Variants in ARHGAP24 observed in about 807,000 individuals in gnomAD.
ARHGAP24 encodes the protein Rho GTPase activating protein 24.
ARHGAP24 carries 50 observed loss-of-function variants against 76.4 expected under a neutral mutation model. The observed-to-expected ratio is 0.65, with a 90% CI of 0.52 to 0.83. The LOEUF (loss-of-function observed/expected upper bound fraction) is 0.83, where lower values mean the gene tolerates loss of function less well. ARHGAP24 is among the 40% of genes least tolerant of loss of function. ARHGAP24 has a pLI of 0.00. For synonymous variants in ARHGAP24, 345 were observed against 323.3 expected (o/e 1.07, Z -0.72); for missense variants, 930 against 914.2 (o/e 1.02, Z -0.22).
At chr4:85,485,146 C>T (rs1722971509) in intron 1 of ARHGAP24, among the ~76,000 whole-genome samples, 1 of 150,350 alleles carries the variant, frequency 6.7e-6, no homozygotes, top group Admixed American at 6.6e-5. Flanking sequence ...GGGATCGAGA[C>T]CATCCTGGCT....
At position 85,536,544 on chromosome 4, in the gene ARHGAP24, A is replaced by T. The variant is rs1250171028; in HGVS notation, c.-20-33978A>T. Among the ~76,000 whole-genome samples, 3 of 152,144 alleles carry T rather than the reference A, an allele frequency of 2.0e-5. 1 individual carries two copies. Among genetic ancestry groups the T allele is most frequent in the South Asian group, 4.1e-4 (2 of 4,834 alleles). On this transcript the variant is annotated intron_variant, in intron 1 of 9. Transcript: ENST00000395184. ...CACTCATTCAAACTCTAATTAATAC[A>T]TCTACCTAATTTTAATAAATGGCTG...
At chr4:85,683,058 A>C (rs930224173) in intron 2 of ARHGAP24, among the ~76,000 whole-genome samples, 15 of 123,078 alleles carry the variant, frequency 1.2e-4, no homozygotes, top group African/African-American at 4.1e-4. Flanking sequence ...GCATGAACTG[A>C]GTTAAACCTT....
chr4:85,747,119 C>G (rs1016020199), intron 3 of ARHGAP24, among the ~76,000 whole-genome samples: 1 of 152,176 alleles, frequency 6.6e-6, no homozygotes, highest in Non-Finnish European at 1.5e-5. Flanking sequence ...AACATTTTCT[C>G]CTACTTTTCA....
intron 1 of ARHGAP24, among the ~76,000 whole-genome samples, chr4:85,513,559 T>TTAA (rs776789611): frequency 5.9e-5 from 9 of 151,510 alleles, no homozygotes; most frequent in Non-Finnish European, 1.0e-4. Context: ...GCCTTTTTTT[T>TTAA]AAAAAAAAAA....
chr4:85,715,425 CT>C (rs1724695304), intron 2 of ARHGAP24, among the ~76,000 whole-genome samples: 1 of 151,966 alleles, frequency 6.6e-6, no homozygotes, highest in South Asian at 2.1e-4. Context: ...ATAATAAATA[CT>C]GTGTACCAGG....
intron 1 of ARHGAP24, among the ~76,000 whole-genome samples, chr4:85,550,358 G>A (rs1726083157): frequency 1.3e-5 from 2 of 152,104 alleles, no homozygotes; most frequent in South Asian, 4.1e-4. Context: ...ATGGTTGTAG[G>A]TGTCTGGCGT....
At chr4:85,515,308 A>G (rs1724452408) in intron 1 of ARHGAP24, among the ~76,000 whole-genome samples, 1 of 151,830 alleles carries the variant, frequency 6.6e-6, no homozygotes. Context: ...AAAAGGGTAT[A>G]TGCAAAGAAG....
chr4:85,839,770 A>T (rs572886707), intron 3 of ARHGAP24, among the ~76,000 whole-genome samples: 1 of 151,818 alleles, frequency 6.6e-6, no homozygotes, highest in East Asian at 1.9e-4. Flanking sequence ...CACTCTGTTG[A>T]CTAAGCAAAT....
chr4:85,524,268 C>T (rs534963949), intron 1 of ARHGAP24, among the ~76,000 whole-genome samples: 1 of 152,188 alleles, frequency 6.6e-6, no homozygotes, highest in Admixed American at 6.5e-5. Flanking sequence ...TACCAAATTC[C>T]TTAAGTGTCC....
intron 2 of ARHGAP24, among the ~76,000 whole-genome samples, chr4:85,574,607 T>C (rs1460870405): frequency 6.6e-6 from 1 of 152,160 alleles, no homozygotes; most frequent in African/African-American, 2.4e-5. Flanking sequence ...AGGGGTTCCT[T>C]AGTAGGCAGT....
chr4:85,949,094 A>G (rs1737453729), intron 5 of ARHGAP24, among the ~76,000 whole-genome samples: 1 of 152,150 alleles, frequency 6.6e-6, no homozygotes, highest in African/African-American at 2.4e-5. Flanking sequence ...GCCGCAGTCG[A>G]TAGTCTTGTT....
intron 6 of ARHGAP24, among the ~76,000 whole-genome samples, chr4:85,974,414 G>T (rs1250123748): frequency 6.6e-6 from 1 of 152,142 alleles, no homozygotes; most frequent in Admixed American, 6.5e-5. Context: ...TTCGTCCCTT[G>T]TGAAATTTCC....
chr4:85,936,338 A>G (rs1459399868), intron 4 of ARHGAP24, among the ~76,000 whole-genome samples: 1 of 152,134 alleles, frequency 6.6e-6, no homozygotes, highest in Non-Finnish European at 1.5e-5. Context: ...CCATGCATGC[A>G]TTTATTCCAT....
intron 3 of ARHGAP24, among the ~76,000 whole-genome samples, chr4:85,782,770 T>C (rs935698999): frequency 6.6e-6 from 1 of 152,246 alleles, no homozygotes; most frequent in Admixed American, 6.5e-5. Flanking sequence ...TTCCTACATA[T>C]TGGCCTTTGT....
chr4:85,791,413 A>G (rs1383230714), intron 3 of ARHGAP24, among the ~76,000 whole-genome samples: 1 of 152,234 alleles, frequency 6.6e-6, no homozygotes, highest in Non-Finnish European at 1.5e-5. Flanking sequence ...ACACCAGGAA[A>G]GAAATTGTAT....
intron 3 of ARHGAP24, among the ~76,000 whole-genome samples, chr4:85,748,402 T>C (rs1711750515): frequency 6.6e-6 from 1 of 152,244 alleles, no homozygotes; most frequent in African/African-American, 2.4e-5. Context: ...ATACAAAATC[T>C]GGTGAATTTG....
intron 1 of ARHGAP24, among the ~76,000 whole-genome samples, chr4:85,494,153 T>A (rs889699930): frequency 2.0e-5 from 3 of 152,176 alleles, no homozygotes; most frequent in African/African-American, 4.8e-5. Context: ...TGTTTTCTTT[T>A]TTTTCTTTAT....
chr4:85,574,171 T>C (rs1033662840), intron 2 of ARHGAP24, among the ~76,000 whole-genome samples: 1 of 152,224 alleles, frequency 6.6e-6, no homozygotes, highest in Admixed American at 6.5e-5. Context: ...TGTCCTTGGT[T>C]AAAGTTCTTA....
intron 3 of ARHGAP24, among the ~76,000 whole-genome samples, chr4:85,813,819 TA>T (rs1729118980): frequency 9.9e-4 from 22 of 22,332 alleles, no homozygotes; most frequent in African/African-American, 2.5e-3. Flanking sequence ...ATATTTATTT[TA>T]TATATATATA....
Sources: gnomAD v4.1 joint callset for allele counts (sites outside exome capture counted in the v4.1 genomes callset) on GRCh38, gnomAD v4.1.1 for gene constraint, MANE v1.5 for transcripts, NCBI Gene and HGNC (gene_info 2026-07-23, HGNC 2026-07-21) for gene names.